HIPK3: variants seen among roughly 807,000 people sequenced by gnomAD.
HIPK3 encodes the protein homeodomain-interacting protein kinase 3.
HIPK3 carries 47 observed loss-of-function variants against 124.2 expected under a neutral mutation model. The observed-to-expected ratio is 0.38, with a 90% confidence interval of 0.30 to 0.48. HIPK3 has a LOEUF of 0.48. HIPK3 is among the 20% of genes least tolerant of loss of function. The probability of loss-of-function intolerance (pLI) is 0.98; values close to 1 mark genes in which losing one functional copy is unlikely to be tolerated. For synonymous variants in HIPK3, 482 were observed against 515.2 expected, an observed-to-expected ratio of 0.94 and a Z score of 0.87; for missense variants, 1,286 against 1,454.3, an observed-to-expected ratio of 0.88 and a Z score of 1.88.
intron 2 of HIPK3, among the ~76,000 whole-genome samples, chr11:33,305,468 G>T (rs939447847): frequency 1.3e-5 from 2 of 152,292 alleles, no homozygotes; most frequent in South Asian, 4.1e-4. Flanking sequence ...AGGTTCAGCC[G>T]CTGTGCTAGA....
intron 2 of HIPK3, among the ~76,000 whole-genome samples, chr11:33,293,000 G>A (rs948097645): frequency 6.6e-6 from 1 of 152,200 alleles, no homozygotes; most frequent in Non-Finnish European, 1.5e-5. Flanking sequence ...GCTTCCCAAA[G>A]TGCTGGGATT....
intron 8 of HIPK3, among the ~76,000 whole-genome samples, chr11:33,344,575 A>G (rs933415722): frequency 1.3e-5 from 2 of 152,230 alleles, no homozygotes; most frequent in African/African-American, 2.4e-5. Flanking sequence ...CTTTCTGTAC[A>G]TAAAGTAACA....
chr11:33,265,620 A>G (rs1850933786), intron 1 of HIPK3, among the ~76,000 whole-genome samples: 1 of 151,866 alleles, frequency 6.6e-6, no homozygotes, highest in Non-Finnish European at 1.5e-5. Context: ...CAAAAAATAC[A>G]AAAACTAGCT....
chr11:33,347,867 C>T lies in HIPK3; in HGVS notation c.2160C>T (p.Cys720=). Residue 720 remains cysteine, a synonymous_variant, in exon 11 of 17, where the codon TGC becomes TGT. Coordinates refer to ENST00000303296, the MANE Select transcript of HIPK3 (RefSeq NM_005734.5). ...RLGDWGKMIS[C]SNHYNSVMPQ... is the part of the protein sequence containing the mutation. The stretch of plus-strand genomic sequence containing the variant: ...TTCTCCCTAGGAAGATGATTTCATG[C>T]AGCAATCATTATAACTCAGTGATGC... 1 of 1,614,168 alleles carries T rather than the reference C, an allele frequency of 6.2e-7. No individual in the cohort carries two copies. Among genetic ancestry groups the T allele is most frequent in the South Asian group, 1.1e-5 (1 of 91,088 alleles).
At position 33,297,778 on chromosome 11, in the gene HIPK3, CTTTTTTTTTTTT is replaced by C. The variant is rs1015881408; in HGVS notation, c.1097+10282_1097+10293del. On this transcript the variant is annotated intron_variant, in intron 2 of 16. Coordinates refer to ENST00000303296, the MANE Select transcript of HIPK3 (RefSeq NM_005734.5). ...TGGCTTCAGAACTTCAAAGAACAGG[CTTTTTTTTTTTT>C]TTTTTTTTTTTTTTCTTGAGATGGA... Among the ~76,000 whole-genome samples, 238 of 81,994 alleles carry C rather than the reference CTTTTTTTTTTTT, an allele frequency of 2.9e-3. 5 individuals are homozygous for C. The highest frequency in any genetic ancestry group is 8.9e-3 in the Middle Eastern group (1 of 112). 53.8% of individuals were successfully genotyped at this position (81,994 alleles called of 152,430 possible). A position where few individuals can be genotyped will look rare whatever the true frequency, so the allele number is the denominator to read the frequency against.
intron 1 of HIPK3, among the ~76,000 whole-genome samples, chr11:33,276,439 G>A (rs1217502156): frequency 6.6e-6 from 1 of 152,090 alleles, no homozygotes; most frequent in Non-Finnish European, 1.5e-5. Flanking sequence ...TGTTAATATG[G>A]TAAATAATGT....
At chr11:33,316,485 T>G (rs1396011545) in intron 2 of HIPK3, among the ~76,000 whole-genome samples, 6 of 152,200 alleles carry the variant, frequency 3.9e-5, no homozygotes, top group African/African-American at 1.2e-4. Context: ...CAATATTTCT[T>G]TCCCCCTGAG....
At chr11:33,348,488 T>C (rs762571989) in intron 12 of HIPK3, 34 bp from the exon 13 acceptor site, 52 of 1,500,956 alleles carry the variant, frequency 3.5e-5, no homozygotes, top group Non-Finnish European at 7.3e-6. Flanking sequence ...CATATTTTGA[T>C]TATAGAAATT....
At chr11:33,309,731 T>C (rs574059972) in intron 2 of HIPK3, among the ~76,000 whole-genome samples, 1 of 152,354 alleles carries the variant, frequency 6.6e-6, no homozygotes, top group South Asian at 2.1e-4. Flanking sequence ...TATCCATTTA[T>C]CAATCCATTT....
At chr11:33,327,007 TA>T (rs1286606673) in intron 2 of HIPK3, among the ~76,000 whole-genome samples, 2 of 152,120 alleles carry the variant, frequency 1.3e-5, no homozygotes, top group African/African-American at 4.8e-5. Flanking sequence ...TCAAAATAAG[TA>T]ATTATAGTCA....
intron 2 of HIPK3, among the ~76,000 whole-genome samples, chr11:33,318,222 TA>T (rs1239525326): frequency 3.3e-5 from 5 of 152,104 alleles, no homozygotes; most frequent in Non-Finnish European, 7.4e-5. Context: ...TTTTTTTTCT[TA>T]AATTTTTTTT....
At chr11:33,261,157 A>C (rs923099501) in intron 1 of HIPK3, among the ~76,000 whole-genome samples, 3 of 146,784 alleles carry the variant, frequency 2.0e-5, no homozygotes, top group Admixed American at 6.9e-5. Context: ...TATTATATAA[A>C]TATATATAAT....
rs549211224 is a variant in HIPK3 at position 33,267,502 on chromosome 11, AT to A, written c.-3+9624del. ...CAAAAGGAATATTATTATTATTATTATTTTTTTTTTTGAGACGGAGTCTCGC... is the reference window on the plus strand; with the variant it reads ...CAAAAGGAATATTATTATTATTATTATTTTTTTTTTGAGACGGAGTCTCGC... On this transcript the variant is annotated intron_variant, in intron 1 of 16. Transcript: ENST00000303296. 1.1e-3 allele frequency among the ~76,000 whole-genome samples: 151 copies of A among 135,130 alleles called. 1 individual carries two copies. Among genetic ancestry groups the A allele is most frequent in the South Asian group, 1.7e-3 (7 of 4,114 alleles). The allele number at this position is 135,130 out of a possible 152,430, so 88.7% of individuals were successfully genotyped here. A position where few individuals can be genotyped will look rare whatever the true frequency, so the allele number is the denominator to read the frequency against.
chr11:33,259,473 A>T (rs1850766360), intron 1 of HIPK3, among the ~76,000 whole-genome samples: 2 of 152,210 alleles, frequency 1.3e-5, no homozygotes, highest in South Asian at 4.1e-4. Flanking sequence ...ACCTTTTGTA[A>T]AAAAAGTTTT....
intron 14 of HIPK3, among the ~76,000 whole-genome samples, chr11:33,350,302 T>A (rs1853618710): frequency 6.6e-6 from 1 of 152,178 alleles, no homozygotes; most frequent in African/African-American, 2.4e-5. Context: ...ACCCATCCTT[T>A]GGCCAGCGAC....
At chr11:33,277,567 A>G (rs1023937149) in intron 1 of HIPK3, among the ~76,000 whole-genome samples, 1 of 152,222 alleles carries the variant, frequency 6.6e-6, no homozygotes, top group African/African-American at 2.4e-5. Context: ...TGACTAAGCC[A>G]CAATATCCAG....
upstream of HIPK3, chr11:33,257,291 G>C (rs1023664342): frequency 2.2e-4 from 215 of 983,468 alleles, no homozygotes; most frequent in African/African-American, 3.4e-3. Context: ...CCCGGGCTGG[G>C]CGCGCAGCGC....
chr11:33,296,679 G>A (rs748243775), intron 2 of HIPK3, among the ~76,000 whole-genome samples: 1 of 151,990 alleles, frequency 6.6e-6, no homozygotes, highest in Non-Finnish European at 1.5e-5. Flanking sequence ...TATTATAATC[G>A]TTTTGGGGCA....
intron 2 of HIPK3, among the ~76,000 whole-genome samples, chr11:33,314,755 A>T (rs1852448242): frequency 6.6e-6 from 1 of 152,206 alleles, no homozygotes; most frequent in Non-Finnish European, 1.5e-5. Context: ...TAGAAAGTTA[A>T]ATCATTTATT....
Sources: gnomAD v4.1 joint callset for allele counts (sites outside exome capture counted in the v4.1 genomes callset) on GRCh38, gnomAD v4.1.1 for gene constraint, MANE v1.5 for transcripts, NCBI Gene and HGNC (gene_info 2026-07-23, HGNC 2026-07-21) for gene names.